The following GALNT8 variants were observed in gnomAD, a reference collection of about 807,000 sequenced individuals.
GALNT8 encodes the protein probable polypeptide N-acetylgalactosaminyltransferase 8.
A neutral mutation model predicts 62.7 loss-of-function variants in GALNT8; 66 were observed. The observed-to-expected ratio is 1.05, with a 90% CI of 0.86 to 1.29. GALNT8 has a LOEUF of 1.29. GALNT8 is among the 50% of genes most tolerant of loss of function. The probability of loss-of-function intolerance (pLI) is 0.00; values close to 1 mark genes in which losing one functional copy is unlikely to be tolerated. For missense variants in GALNT8, 771 were observed against 791.8 expected, an observed-to-expected ratio of 0.97 and a Z score of 0.32; for synonymous variants, 288 against 294.3, an observed-to-expected ratio of 0.98 and a Z score of 0.22.
At chr12:4,745,257 C>T (rs1036038793) in intron 4 of GALNT8, among the ~76,000 whole-genome samples, 172 bp from the exon 5 acceptor site, 7 of 152,146 alleles carry the variant, frequency 4.6e-5, no homozygotes, top group Non-Finnish European at 5.9e-5. Flanking sequence ...TCAGCTATCC[C>T]GAAAGGTTAC....
intron 6 of GALNT8, among the ~76,000 whole-genome samples, chr12:4,748,134 G>A (rs1232030319): frequency 6.6e-6 from 1 of 151,984 alleles, no homozygotes; most frequent in Non-Finnish European, 1.5e-5. Context: ...CTAGTCAGAT[G>A]GGTAGTTTGC....
chr12:4,729,840 C>T (rs1349697460), intron 2 of GALNT8, among the ~76,000 whole-genome samples: 1 of 152,122 alleles, frequency 6.6e-6, no homozygotes, highest in Non-Finnish European at 1.5e-5. Context: ...TTTACATTCC[C>T]ACTAACTGTG....
intron 10 of GALNT8, among the ~76,000 whole-genome samples, chr12:4,767,193 G>C (rs1946403892): frequency 6.6e-6 from 1 of 152,156 alleles, no homozygotes; most frequent in South Asian, 2.1e-4. Context: ...CCCCAGAGGA[G>C]TCGGTTGGGT....
At chr12:4,750,429 G>A (rs1023667226) in intron 6 of GALNT8, among the ~76,000 whole-genome samples, 3 of 151,022 alleles carry the variant, frequency 2.0e-5, no homozygotes, top group Non-Finnish European at 4.4e-5. Context: ...CCACTTAAAA[G>A]TGAGAACATG....
intron 2 of GALNT8, among the ~76,000 whole-genome samples, chr12:4,729,383 C>CGAA (rs1318910385): frequency 1.3e-5 from 2 of 152,102 alleles, no homozygotes; most frequent in East Asian, 3.9e-4. Flanking sequence ...TTCCTCCTAT[C>CGAA]TAACTGAAAT....
At chr12:4,730,993 C>G (rs1342500860) in intron 2 of GALNT8, among the ~76,000 whole-genome samples, 1 of 151,644 alleles carries the variant, frequency 6.6e-6, no homozygotes, top group African/African-American at 2.4e-5. Flanking sequence ...GGACTACAGG[C>G]GCCCACCACC....
At chr12:4,769,414 C>T (rs1946413467) in intron 10 of GALNT8, among the ~76,000 whole-genome samples, 1 of 152,120 alleles carries the variant, frequency 6.6e-6, no homozygotes, top group Non-Finnish European at 1.5e-5. Flanking sequence ...AATATCTTTA[C>T]TTAAAGAATA....
intron 6 of GALNT8, among the ~76,000 whole-genome samples, chr12:4,753,485 G>A (rs7953482): frequency 0.51 from 76,944 of 151,896 alleles, 20,231 homozygotes; most frequent in Non-Finnish European, 0.59. Flanking sequence ...CAGTATGCCA[G>A]TTGCATTTAT....
chr12:4,720,926 G>A lies in GALNT8; in HGVS notation c.211+38G>A, dbSNP rs779015615. 8 of 1,268,982 alleles carry A rather than the reference G, an allele frequency of 6.3e-6. No individual in the cohort carries two copies. The Admixed American group carries it at 1.4e-4, about 21-fold the overall frequency. The allele number at this position is 1,268,982 out of a possible 1,614,324, so 78.6% of individuals were successfully genotyped here. A position where few individuals can be genotyped will look rare whatever the true frequency, so the allele number is the denominator to read the frequency against. ...TGCTAACCTGGAAGGTGTGTGTGTG[G>A]GTGTGTGTGTTTGGGGCACTTAGGA... On this transcript the variant is annotated intron_variant, in intron 1 of 10. Coordinates refer to ENST00000252318, the MANE Select transcript of GALNT8 (RefSeq NM_017417.2).
At chr12:4,769,547 T>C (rs778263060) in intron 10 of GALNT8, among the ~76,000 whole-genome samples, 37 of 152,292 alleles carry the variant, frequency 2.4e-4, no homozygotes, top group Middle Eastern at 3.4e-3. Flanking sequence ...CTGAATATTA[T>C]ATAGCCATTC....
In GALNT8 at chr12:4,720,872, G is replaced by A. The variant is rs373981442; in HGVS notation, c.195G>A (p.Val65=). The A allele has an allele frequency of 2.5e-6, 4 of 1,592,020 alleles. No homozygotes were observed. The African/African-American group carries it at 4.0e-5, about 16-fold the overall frequency. The change falls in exon 1 of 11, where the codon GTG becomes GTA. Residue 65 remains valine, a synonymous_variant. Coordinates refer to ENST00000252318, the MANE Select transcript of GALNT8 (RefSeq NM_017417.2). ...TAAAGAGACTCTCCCACTTGGAGGT[G>A]GAATTGCAGGATCTGAGTAAGTTTA... ...AVIKRLSHLE[V]ELQDLKESMK...
At chr12:4,753,273 T>C (rs1171924113) in intron 6 of GALNT8, among the ~76,000 whole-genome samples, 3 of 152,164 alleles carry the variant, frequency 2.0e-5, no homozygotes, top group African/African-American at 7.2e-5. Context: ...TCTCTTTCTC[T>C]ACCTCCTCTT....
At chr12:4,741,657 T>A (rs551839297) in intron 3 of GALNT8, among the ~76,000 whole-genome samples, 1 of 151,680 alleles carries the variant, frequency 6.6e-6, no homozygotes, top group East Asian at 1.9e-4. Flanking sequence ...TAATTCAGGA[T>A]TTTTTCCTGT....
chr12:4,745,423 T>C lies in GALNT8; in HGVS notation c.861-6T>C, dbSNP rs758572951. The stretch of plus-strand genomic sequence containing the variant: ...AAGCTGGGCTTTCTGCACACTCTTG[T>C]TCTAGGGCAGAGCCAATCTTGGCTC... On this transcript the variant is annotated splice_region_variant and splice_polypyrimidine_tract_variant and intron_variant, in intron 4 of 10. Transcript: ENST00000252318. The C allele has an allele frequency of 6.3e-7, 1 of 1,593,356 alleles. No homozygotes were observed. Among genetic ancestry groups the C allele is most frequent in the Non-Finnish European group, 8.6e-7 (1 of 1,161,042 alleles).
At chr12:4,746,957 G>A (rs1440650858) in intron 6 of GALNT8, among the ~76,000 whole-genome samples, 1 of 152,126 alleles carries the variant, frequency 6.6e-6, no homozygotes, top group African/African-American at 2.4e-5. Flanking sequence ...ACCAACTTCT[G>A]TGTGTCTGGA....
At chr12:4,753,642 G>C (rs934751014) in intron 6 of GALNT8, among the ~76,000 whole-genome samples, 1 of 152,070 alleles carries the variant, frequency 6.6e-6, no homozygotes, top group South Asian at 2.1e-4. Context: ...CATCTGAAAG[G>C]TCCCTTGTCT....
chr12:4,739,108 G>C, intron 2 of GALNT8, 55 bp from the exon 3 acceptor site: 3 of 1,043,532 alleles, frequency 2.9e-6, no homozygotes, highest in Non-Finnish European at 4.2e-6. Context: ...AGATTGGATA[G>C]CAGTGTTGAA....
intron 1 of GALNT8, among the ~76,000 whole-genome samples, chr12:4,725,850 G>A (rs528834197): frequency 1.3e-5 from 2 of 152,088 alleles, no homozygotes; most frequent in African/African-American, 4.8e-5. Flanking sequence ...CACCACGCCC[G>A]GCCTGCTTTT....
intron 3 of GALNT8, among the ~76,000 whole-genome samples, chr12:4,742,696 G>A (rs778376411): frequency 1.3e-5 from 2 of 152,140 alleles, no homozygotes; most frequent in Non-Finnish European, 2.9e-5. Context: ...ATTTGAGACA[G>A]CAGAGAAAAT....
Sources: allele counts gnomAD v4.1 joint callset (sites outside exome capture counted in the v4.1 genomes callset), GRCh38; gene constraint gnomAD v4.1.1; transcripts MANE v1.5; gene names NCBI Gene and HGNC (gene_info 2026-07-23, HGNC 2026-07-21).